MAN1A2: variants seen among roughly 807,000 people sequenced by gnomAD.
MAN1A2 encodes mannosyl-oligosaccharide 1,2-alpha-mannosidase IB.
A neutral mutation model predicts 75.7 loss-of-function variants in MAN1A2; 26 were observed. The ratio of observed to expected loss-of-function variants is 0.34; its 90% CI spans 0.25 to 0.48. MAN1A2 has a LOEUF of 0.48. Ranked by LOEUF, MAN1A2 falls within the 20% of genes least tolerant of loss-of-function variation. MAN1A2 has a pLI of 0.99. For missense variants in MAN1A2, 562 were observed against 775.5 expected, an observed-to-expected ratio of 0.72 and a Z score of 3.27; for synonymous variants, 247 against 264.6, an observed-to-expected ratio of 0.93 and a Z score of 0.65.
chr1:117,384,551 C>G (rs1653456852), intron 1 of MAN1A2, among the ~76,000 whole-genome samples: 1 of 152,070 alleles, frequency 6.6e-6, no homozygotes, highest in Non-Finnish European at 1.5e-5. Flanking sequence ...TTCATATGCA[C>G]TTGAGAAGAA....
At chr1:117,468,113 C>T (rs1195759185) in intron 8 of MAN1A2, among the ~76,000 whole-genome samples, 1 of 152,100 alleles carries the variant, frequency 6.6e-6, no homozygotes, top group Non-Finnish European at 1.5e-5. Flanking sequence ...GTTTAATTGA[C>T]TCACAGTTCC....
chr1:117,417,557 A>ATATATATATGTG (rs1214425551), intron 4 of MAN1A2, among the ~76,000 whole-genome samples: 1 of 140,746 alleles, frequency 7.1e-6, no homozygotes, highest in African/African-American at 2.6e-5. Flanking sequence ...ATATATATAT[A>ATATATATATGTG]TGTGATATAT....
rs1440980556 is a variant in MAN1A2, at chr1:117,528,681, T to C, written c.*5724T>C. 6.6e-6 allele frequency: 1 copy of C among 152,136 alleles called. No individual in the cohort carries two copies. 9.4% of individuals were successfully genotyped at this position (152,136 alleles called of 1,614,324 possible). ...TGGAAGTTGAAATGCCATCCTTCAA[T>C]ATCACTGGTCTCAAATTCATTGATA... On this transcript the variant is annotated 3_prime_UTR_variant, in exon 13 of 13. Coordinates refer to ENST00000356554, the MANE Select transcript of MAN1A2 (RefSeq NM_006699.5).
intron 11 of MAN1A2, among the ~76,000 whole-genome samples, chr1:117,501,774 A>G (rs1366778872): frequency 6.6e-6 from 1 of 151,814 alleles, no homozygotes; most frequent in African/African-American, 2.4e-5. Context: ...TTAGCTTTTC[A>G]TAGGAAGGAG....
intron 6 of MAN1A2, among the ~76,000 whole-genome samples, chr1:117,444,183 TA>T (rs1233362746): frequency 1.3e-5 from 2 of 152,160 alleles, no homozygotes; most frequent in Non-Finnish European, 2.9e-5. Flanking sequence ...AAGATCTAAA[TA>T]AATCTTTGTG....
At chr1:117,429,371 A>C (rs1648496444) in intron 5 of MAN1A2, among the ~76,000 whole-genome samples, 1 of 136,354 alleles carries the variant, frequency 7.3e-6, no homozygotes, top group Non-Finnish European at 1.6e-5. Context: ...ACTTCCCAGT[A>C]GGGGCGGCCG....
intron 5 of MAN1A2, among the ~76,000 whole-genome samples, chr1:117,429,552 C>CTGGA (rs1648516483): frequency 8.9e-6 from 1 of 112,680 alleles, no homozygotes; most frequent in African/African-American, 3.3e-5. Context: ...CACCTCCCTC[C>CTGGA]CGGACGGGGC....
At chr1:117,419,603 T>C (rs1648121846) in intron 4 of MAN1A2, among the ~76,000 whole-genome samples, 1 of 152,080 alleles carries the variant, frequency 6.6e-6, no homozygotes, top group South Asian at 2.1e-4. Flanking sequence ...TTCCTTTTAA[T>C]TTTTATTAAA....
chr1:117,409,551 G>A (rs973954050), intron 3 of MAN1A2, among the ~76,000 whole-genome samples: 1 of 152,058 alleles, frequency 6.6e-6, no homozygotes, highest in African/African-American at 2.4e-5. Context: ...CTGTTATTGT[G>A]TGGAATGTTC....
At chr1:117,452,307 CAA>C (rs35889322) in intron 6 of MAN1A2, among the ~76,000 whole-genome samples, 69 of 142,530 alleles carry the variant, frequency 4.8e-4, no homozygotes, top group East Asian at 6.2e-4. Context: ...GACTCTGTCT[CAA>C]AAAAAAAAAA....
At chr1:117,474,203 A>G (rs997208459) in intron 8 of MAN1A2, among the ~76,000 whole-genome samples, 1 of 152,012 alleles carries the variant, frequency 6.6e-6, no homozygotes. Context: ...GAGAATATAT[A>G]TATGTATACT....
intron 12 of MAN1A2, among the ~76,000 whole-genome samples, chr1:117,517,573 A>G (rs1651749161): frequency 1.3e-5 from 2 of 152,120 alleles, no homozygotes; most frequent in South Asian, 4.1e-4. Context: ...CTTAGCAATG[A>G]AACTATCCAA....
intron 7 of MAN1A2, among the ~76,000 whole-genome samples, chr1:117,462,201 A>G: frequency 6.6e-6 from 1 of 152,148 alleles, no homozygotes; most frequent in African/African-American, 2.4e-5. Flanking sequence ...GAAACAAAAA[A>G]TATTACCTAG....
Position 117,524,885 on chromosome 1 carries a change from G to A in MAN1A2, c.*1928G>A, listed in dbSNP as rs1232541321. 6.3e-6 allele frequency: 2 copies of A among 318,542 alleles called. No homozygotes were observed. Among genetic ancestry groups the A allele is most frequent in the Non-Finnish European group, 1.3e-5 (2 of 159,482 alleles). The allele number at this position is 318,542 out of a possible 1,614,324, so 19.7% of individuals were successfully genotyped here. A position where few individuals can be genotyped will look rare whatever the true frequency, so the allele number is the denominator to read the frequency against. Reference sequence around the variant, plus strand: ...ATATATATTACTGTAACTGTAGAAGGGAAAAGGGAAAGTATTTGGTTCTAA... The same window carrying A: ...ATATATATTACTGTAACTGTAGAAGAGAAAAGGGAAAGTATTTGGTTCTAA... On this transcript the variant is annotated 3_prime_UTR_variant, in exon 13 of 13. Transcript: ENST00000356554.
At chr1:117,405,055 AAAAT>A (rs1426835795) in intron 2 of MAN1A2, among the ~76,000 whole-genome samples, 5 of 152,194 alleles carry the variant, frequency 3.3e-5, no homozygotes, top group African/African-American at 9.7e-5. Flanking sequence ...TCAAACAAAA[AAAAT>A]AAATAAAATA....
rs112439146 is a variant in MAN1A2, at chr1:117,474,827, C to T, written c.1168+8400C>T. Among the ~76,000 whole-genome samples, 1,021 of 151,978 alleles carry T rather than the reference C, an allele frequency of 6.7e-3. 19 individuals carry two copies. The highest frequency in any genetic ancestry group is 0.022 in the African/African-American group (924 of 41,486). ...ATATCTATCACCCCTTTTCCTCATA[C>T]CCTTACATGTTCCTTCTCTCAACCT... On this transcript the variant is annotated intron_variant, in intron 8 of 12. Transcript: ENST00000356554.
chr1:117,429,935 G>T (rs1218788194), intron 5 of MAN1A2, among the ~76,000 whole-genome samples: 1 of 77,566 alleles, frequency 1.3e-5, no homozygotes, highest in African/African-American at 5.2e-5. Flanking sequence ...GGGCGGCCGG[G>T]CAGAGGCGCC....
chr1:117,463,428 T>G (rs1467493102), intron 7 of MAN1A2, among the ~76,000 whole-genome samples: 2 of 151,998 alleles, frequency 1.3e-5, no homozygotes, highest in Non-Finnish European at 1.5e-5. Context: ...CCTCTCATCC[T>G]TCCTGAACAC....
At chr1:117,462,916 A>G (rs1039867743) in intron 7 of MAN1A2, among the ~76,000 whole-genome samples, 2 of 152,128 alleles carry the variant, frequency 1.3e-5, no homozygotes, top group African/African-American at 4.8e-5. Flanking sequence ...TGGGCAGTGA[A>G]CAGACCATCA....
Sources: gnomAD v4.1 joint callset for allele counts (sites outside exome capture counted in the v4.1 genomes callset) on GRCh38, gnomAD v4.1.1 for gene constraint, MANE v1.5 for transcripts, NCBI Gene and HGNC (gene_info 2026-07-23, HGNC 2026-07-21) for gene names.